Variants in CACNA1D observed in about 807,000 individuals in gnomAD.
CACNA1D encodes voltage-dependent L-type calcium channel subunit alpha-1D.
CACNA1D carries 55 observed loss-of-function variants against 257.1 expected under a neutral mutation model. That is an observed-to-expected ratio of 0.21 (90% CI 0.17 to 0.27). CACNA1D has a LOEUF of 0.27. Among genes scored for constraint, CACNA1D ranks in the 10% least tolerant of loss-of-function variants. CACNA1D has a pLI of 1.00. For missense variants in CACNA1D, 1,876 were observed against 2,784.0 expected (o/e 0.67, Z 7.34); for synonymous variants, 980 against 1,014.9 (o/e 0.97, Z 0.65).
At chr3:53,497,519 A>G in intron 2 of CACNA1D, 58 bp downstream of exon 2, 5 of 1,562,838 alleles carry the variant, frequency 3.2e-6, no homozygotes, top group Middle Eastern at 1.7e-4. Flanking sequence ...TGTTTTTTAA[A>G]AGGATTTGCT....
intron 8 of CACNA1D, among the ~76,000 whole-genome samples, chr3:53,684,621 C>CAAAAAAAAAAAA (rs60026644): frequency 5.9e-5 from 5 of 84,518 alleles, no homozygotes; most frequent in East Asian, 2.7e-4. Flanking sequence ...GAAACTCTGT[C>CAAAAAAAAAAAA]AAAAAAAAAA....
At position 53,808,490 on chromosome 3, in the gene CACNA1D, C is replaced by G. The variant is rs1651903000; in HGVS notation, c.5750-159C>G. ...GGGCTTCTGCCTTCATCCTCTCCTA[C>G]TAAAGTTTGGAGACCTCACTACCTA... On this transcript the variant is annotated intron_variant, in intron 45 of 47. Transcript: ENST00000350061. 7.8e-6 allele frequency: 6 copies of G among 769,438 alleles called. No homozygotes were observed. The Admixed American group carries it at 1.2e-4, about 15-fold the overall frequency. The allele number at this position is 769,438 out of a possible 1,614,324, so 47.7% of individuals were successfully genotyped here.
chr3:53,518,467 T>G (rs1269735959), intron 3 of CACNA1D, among the ~76,000 whole-genome samples: 2 of 152,118 alleles, frequency 1.3e-5, no homozygotes, highest in African/African-American at 4.8e-5. Context: ...TGGTCTCTCT[T>G]TCCAATGCAG....
chr3:53,579,435 G>GTT (rs984277432), intron 3 of CACNA1D, among the ~76,000 whole-genome samples: 8 of 152,290 alleles, frequency 5.3e-5, no homozygotes, highest in African/African-American at 1.4e-4. Flanking sequence ...GGGCACCCCA[G>GTT]TTAAAGATGC....
At chr3:53,543,302 A>G (rs1204392792) in intron 3 of CACNA1D, among the ~76,000 whole-genome samples, 1 of 152,288 alleles carries the variant, frequency 6.6e-6, no homozygotes, top group African/African-American at 2.4e-5. Flanking sequence ...TTTAAAGAGC[A>G]CTGTTTCTCA....
intron 14 of CACNA1D, among the ~76,000 whole-genome samples, chr3:53,726,658 C>A (rs751442198): frequency 6.9e-6 from 1 of 144,880 alleles, no homozygotes; most frequent in Non-Finnish European, 1.6e-5. Context: ...ACACTTAAGT[C>A]TTAATAATAA....
chr3:53,512,348 T>C (rs2091147582), intron 3 of CACNA1D, among the ~76,000 whole-genome samples: 1 of 152,064 alleles, frequency 6.6e-6, no homozygotes, highest in Non-Finnish European at 1.5e-5. Context: ...TTGGTACTAG[T>C]GTGGTGGGGT....
chr3:53,509,999 C>T (rs781113821), intron 3 of CACNA1D, among the ~76,000 whole-genome samples: 65 of 152,324 alleles, frequency 4.3e-4, no homozygotes, highest in Non-Finnish European at 6.3e-4. Context: ...GCTGCTGTGG[C>T]TCCCCATGCC....
intron 3 of CACNA1D, among the ~76,000 whole-genome samples, chr3:53,644,247 T>C (rs969551182): frequency 3.3e-5 from 5 of 152,238 alleles, no homozygotes; most frequent in African/African-American, 9.6e-5. Context: ...TGTTTTGATA[T>C]ATGCATACAC....
At chr3:53,688,859 C>A (rs1032935827) in intron 8 of CACNA1D, among the ~76,000 whole-genome samples, 13 of 152,188 alleles carry the variant, frequency 8.5e-5, no homozygotes, top group Admixed American at 2.0e-4. Context: ...GAGACCCTTG[C>A]TGTGTCTGAA....
chr3:53,684,015 G>T (rs541961075), intron 8 of CACNA1D, among the ~76,000 whole-genome samples: 3 of 152,242 alleles, frequency 2.0e-5, no homozygotes, highest in Middle Eastern at 6.8e-3. Flanking sequence ...AAGATCCAGA[G>T]AATTTTAACA....
At chr3:53,592,393 A>G (rs926956244) in intron 3 of CACNA1D, among the ~76,000 whole-genome samples, 5 of 151,944 alleles carry the variant, frequency 3.3e-5, no homozygotes, top group Non-Finnish European at 1.5e-5. Flanking sequence ...GTAGGGGTGA[A>G]AGGAGGAGCT....
At chr3:53,520,887 TTTCTTTCTTTTCTTTTC>T (rs2091537532) in intron 3 of CACNA1D, among the ~76,000 whole-genome samples, 1 of 65,362 alleles carries the variant, frequency 1.5e-5, no homozygotes, top group African/African-American at 1.0e-4. Context: ...TCTTTCTTTC[TTTCTTTCTTTTCTTTTC>T]TTTTCTTTTC....
intron 19 of CACNA1D, among the ~76,000 whole-genome samples, chr3:53,733,928 GTT>G (rs1337869983): frequency 1.2e-4 from 9 of 72,858 alleles, no homozygotes. Context: ...GTGTGTGTGT[GTT>G]TGTGTGTGTG....
At chr3:53,740,173 C>G in intron 20 of CACNA1D, 107 bp from the exon 21 acceptor site, 1 of 856,030 alleles carries the variant, frequency 1.2e-6, no homozygotes, top group Non-Finnish European at 2.0e-6. Flanking sequence ...CAGGGTTTTC[C>G]TGGAGGGATG....
At chr3:53,706,725 T>C (rs11706303) in intron 9 of CACNA1D, among the ~76,000 whole-genome samples, 39,839 of 151,988 alleles carry the variant, frequency 0.26, 5,477 homozygotes, top group African/African-American at 0.3. Flanking sequence ...ACCCGAAAAG[T>C]GTACATTATA....
chr3:53,718,512 G>A, intron 10 of CACNA1D, 124 bp downstream of exon 10: 3 of 1,068,756 alleles, frequency 2.8e-6, no homozygotes, highest in Non-Finnish European at 2.8e-6. Context: ...GGGTGGGAAG[G>A]CTCCTCGTAC....
intron 3 of CACNA1D, among the ~76,000 whole-genome samples, chr3:53,594,578 A>T (rs1361835552): frequency 1.3e-5 from 2 of 152,244 alleles, no homozygotes; most frequent in African/African-American, 4.8e-5. Context: ...GTTATGCAAC[A>T]GCACCTGGTA....
rs184230641 is a variant in CACNA1D at position 53,776,915 on chromosome 3, C to T, written c.4546C>T (p.Leu1516=). The stretch of plus-strand genomic sequence containing the variant: ...TCTGCTTCGACGCATCCAGCCTCCC[C>T]TGGGGTTTGGGAAGTTATGTCCACA... The part of the protein sequence containing the change: ...VTLLRRIQPP[L]GFGKLCPHRV... Residue 1516 remains leucine (L), a synonymous_variant, in exon 37 of 48, where the codon CTG becomes TTG. Transcript: ENST00000350061. The T allele has an allele frequency of 3.5e-5, 57 of 1,614,162 alleles. No homozygotes were observed. In the African/African-American group the frequency reaches 7.5e-4, roughly 21 times the overall value.
Sources: allele counts gnomAD v4.1 joint callset (sites outside exome capture counted in the v4.1 genomes callset), GRCh38; gene constraint gnomAD v4.1.1; transcripts MANE v1.5; gene names NCBI Gene and HGNC (gene_info 2026-07-23, HGNC 2026-07-21).